NEK11: variants seen among roughly 807,000 people sequenced by gnomAD.
NEK11 encodes the protein serine/threonine-protein kinase Nek11.
NEK11 carries 72 observed loss-of-function variants against 80.7 expected under a neutral mutation model. The observed-to-expected ratio is 0.89, with a 90% CI of 0.74 to 1.08. The LOEUF (loss-of-function observed/expected upper bound fraction) is 1.08, where lower values mean the gene tolerates loss of function less well. Ranked by LOEUF, NEK11 falls within the 50% of genes least tolerant of loss-of-function variation. The pLI is 0.00. For missense variants in NEK11, 764 were observed against 763.6 expected (o/e 1.00, Z -0.01); for synonymous variants, 251 against 260.7 (o/e 0.96, Z 0.36).
intron 15 of NEK11, among the ~76,000 whole-genome samples, chr3:131,243,017 A>G (rs1257291192): frequency 6.6e-6 from 1 of 152,184 alleles, no homozygotes; most frequent in Non-Finnish European, 1.5e-5. Flanking sequence ...GAAAAAATGC[A>G]TTAGATTTCT....
At chr3:131,274,458 C>A (rs1653900963) in intron 17 of NEK11, among the ~76,000 whole-genome samples, 2 of 150,410 alleles carry the variant, frequency 1.3e-5, no homozygotes, top group South Asian at 2.1e-4. Flanking sequence ...ATTTATAGTC[C>A]TTTGGGTATA....
chr3:131,082,709 A>T (rs1316338203), intron 4 of NEK11, among the ~76,000 whole-genome samples: 1 of 152,218 alleles, frequency 6.6e-6, no homozygotes, highest in African/African-American at 2.4e-5. Context: ...AAAATTTATA[A>T]TTTTAATGTA....
chr3:131,175,863 G>A (rs1393425996), intron 14 of NEK11, among the ~76,000 whole-genome samples: 1 of 152,164 alleles, frequency 6.6e-6, no homozygotes, highest in Non-Finnish European at 1.5e-5. Context: ...GGCCAAGAAC[G>A]ATGTGAGTGA....
chr3:131,109,839 C>T lies in NEK11; in HGVS notation c.373C>T (p.Gln125Ter), dbSNP rs1207376876. ...GGACGATAAAATTCAGGAATATAAA[C>T]AAGCTGGAAAAATCTTTCCAGAAAA... ...DLDDKIQEYK[Q>*]AGKIFPENQI... is the part of the protein sequence containing the mutation. The change falls in exon 5 of 18, where the codon CAA becomes TAA. Residue 125 changes from glutamine (Q) to a stop codon, truncating the protein, a stop_gained. Transcript: ENST00000383366. LOFTEE classifies it high-confidence loss of function. 4.4e-6 allele frequency: 7 copies of T among 1,604,590 alleles called. No homozygotes were observed. The highest frequency in any genetic ancestry group is 3.4e-6 in the Non-Finnish European group (4 of 1,176,848).
rs1321437165 is a variant in NEK11 at position 131,109,787 on chromosome 3, A to G, written c.337-16A>G. 1 of 1,576,006 alleles carries G rather than the reference A, an allele frequency of 6.3e-7. No homozygotes were observed. The highest frequency in any genetic ancestry group is 8.6e-7 in the Non-Finnish European group (1 of 1,168,240). On this transcript the variant is annotated splice_polypyrimidine_tract_variant and intron_variant, in intron 4 of 17. Coordinates refer to ENST00000383366, the MANE Select transcript of NEK11 (RefSeq NM_024800.5). ...ATTAGCTGAAAAAATATGAAAGATT[A>G]TGCTCTTCATTTCAGGGCCGAGATC...
intron 17 of NEK11, among the ~76,000 whole-genome samples, chr3:131,335,708 T>A (rs1165706584): frequency 6.6e-6 from 1 of 152,146 alleles, no homozygotes; most frequent in African/African-American, 2.4e-5. Context: ...TGATTGTATA[T>A]CTAGAAAACC....
chr3:131,264,550 C>G (rs1476905972), intron 16 of NEK11, among the ~76,000 whole-genome samples: 6 of 152,196 alleles, frequency 3.9e-5, no homozygotes, highest in Non-Finnish European at 5.9e-5. Flanking sequence ...TCTGAGGGCT[C>G]TGTTCTGTTC....
intron 14 of NEK11, among the ~76,000 whole-genome samples, chr3:131,202,706 A>G (rs2094287959): frequency 6.6e-6 from 1 of 152,240 alleles, no homozygotes; most frequent in Admixed American, 6.5e-5. Flanking sequence ...TCCAGAATCT[A>G]CAAAGAACTT....
chr3:131,090,354 C>T (rs577187265), intron 4 of NEK11, among the ~76,000 whole-genome samples: 2 of 152,164 alleles, frequency 1.3e-5, no homozygotes, highest in Non-Finnish European at 2.9e-5. Flanking sequence ...TCTTTTATTG[C>T]AACCTTCAAG....
At chr3:131,238,423 G>T (rs1381468955) in intron 15 of NEK11, among the ~76,000 whole-genome samples, 1 of 152,118 alleles carries the variant, frequency 6.6e-6, no homozygotes, top group Non-Finnish European at 1.5e-5. Flanking sequence ...AGTAGATATT[G>T]TGGAATACGT....
rs929281630 is a variant in NEK11 at position 131,165,129 on chromosome 3, G to A, written c.1083-297G>A. On this transcript the variant is annotated intron_variant, in intron 11 of 17. Transcript: ENST00000383366. ...TGTTAGGCACTGTGCTAGGCATTGG[G>A]AACACATAGCCCTGTCATTGCACTT... 2.0e-4 allele frequency: 59 copies of A among 292,096 alleles called. No individual in the cohort carries two copies. The Admixed American group carries it at 2.8e-3, about 14-fold the overall frequency. 18.1% of individuals were successfully genotyped at this position (292,096 alleles called of 1,614,324 possible).
chr3:131,198,262 G>A (rs1354517144), intron 14 of NEK11, among the ~76,000 whole-genome samples: 2 of 152,128 alleles, frequency 1.3e-5, no homozygotes, highest in African/African-American at 4.8e-5. Flanking sequence ...ACTTCCATCA[G>A]TATACAAGCT....
intron 15 of NEK11, among the ~76,000 whole-genome samples, chr3:131,241,992 A>G (rs1303815909): frequency 6.6e-6 from 1 of 152,138 alleles, no homozygotes; most frequent in East Asian, 1.9e-4. Flanking sequence ...ATTGTCTAAA[A>G]AGGGAGATTC....
chr3:131,170,974 T>C (rs1362104381), intron 14 of NEK11, 87 bp downstream of exon 14: 1 of 898,608 alleles, frequency 1.1e-6, no homozygotes, highest in East Asian at 2.4e-5. Context: ...CTGTCTGGCC[T>C]CTGGGAGAAG....
chr3:131,157,919 C>T (rs1560693880), intron 10 of NEK11, among the ~76,000 whole-genome samples: 1 of 152,132 alleles, frequency 6.6e-6, no homozygotes, highest in African/African-American at 2.4e-5. Context: ...AGGGGCAGCA[C>T]ACCAGCTGAT....
intron 3 of NEK11, among the ~76,000 whole-genome samples, chr3:131,071,666 T>G (rs979549742): frequency 6.6e-6 from 1 of 152,112 alleles, no homozygotes; most frequent in African/African-American, 2.4e-5. Flanking sequence ...TCATGTTGTT[T>G]TAGTTTTGAA....
At chr3:131,134,858 A>G (rs2085249228) in intron 7 of NEK11, among the ~76,000 whole-genome samples, 1 of 152,202 alleles carries the variant, frequency 6.6e-6, no homozygotes, top group African/African-American at 2.4e-5. Context: ...TGTATTCAGT[A>G]TGTTCTAGTG....
intron 16 of NEK11, among the ~76,000 whole-genome samples, chr3:131,268,302 T>A (rs184722998): frequency 5.1e-4 from 78 of 152,280 alleles, no homozygotes; most frequent in African/African-American, 1.8e-3. Context: ...CCCTCCAATT[T>A]TGTTCCCTTG....
At chr3:131,076,197 G>A (rs1317936121) in intron 3 of NEK11, among the ~76,000 whole-genome samples, 3 of 152,208 alleles carry the variant, frequency 2.0e-5, no homozygotes, top group African/African-American at 7.2e-5. Context: ...CACAGTGTAA[G>A]GAAGCTGTCT....
Sources: allele counts gnomAD v4.1 joint callset (sites outside exome capture counted in the v4.1 genomes callset), GRCh38; gene constraint gnomAD v4.1.1; transcripts MANE v1.5; gene names NCBI Gene and HGNC (gene_info 2026-07-23, HGNC 2026-07-21).